The following DDX11 variants were observed in gnomAD, a reference collection of about 807,000 sequenced individuals.
DDX11 encodes ATP-dependent DNA helicase DDX11.
A neutral mutation model predicts 125.2 loss-of-function variants in DDX11; 72 were observed. The observed-to-expected ratio is 0.58, with a 90% CI of 0.48 to 0.70. The LOEUF (loss-of-function observed/expected upper bound fraction) is 0.70. DDX11 is among the 30% of genes least tolerant of loss of function. The pLI is 0.00. For synonymous variants in DDX11, 347 were observed against 452.6 expected, an observed-to-expected ratio of 0.77 and a Z score of 2.96; for missense variants, 883 against 1,165.0, an observed-to-expected ratio of 0.76 and a Z score of 3.52.
intron 5 of DDX11, among the ~76,000 whole-genome samples, chr12:31,086,620 G>A (rs1338357303): frequency 1.3e-5 from 2 of 152,188 alleles, no homozygotes; most frequent in African/African-American, 2.4e-5. Flanking sequence ...AGAGCCCGTG[G>A]GGACAAGGCA....
At chr12:31,078,725 T>A (rs1941222677) in intron 2 of DDX11, among the ~76,000 whole-genome samples, 188 bp downstream of exon 2, 1 of 151,128 alleles carries the variant, frequency 6.6e-6, no homozygotes, top group Non-Finnish European at 1.5e-5. Context: ...TCTCGCTGTG[T>A]CGCCCAGGCC....
intron 19 of DDX11, 117 bp downstream of exon 19, chr12:31,100,824 A>C: frequency 8.2e-7 from 1 of 1,217,114 alleles, no homozygotes; most frequent in Non-Finnish European, 1.2e-6. Flanking sequence ...CCGGGGTGGG[A>C]GCCTCACCCT....
At chr12:31,078,836 C>T (rs1157284320) in intron 2 of DDX11, among the ~76,000 whole-genome samples, 8 of 152,026 alleles carry the variant, frequency 5.3e-5, no homozygotes, top group African/African-American at 1.7e-4. Context: ...TACAGGTGCC[C>T]GCCGCCACGC....
intron 1 of DDX11, chr12:31,074,442 TAA>T (rs1289602832): frequency 2.0e-5 from 3 of 152,140 alleles, no homozygotes; most frequent in African/African-American, 7.2e-5. Context: ...CCAGAGCCGA[TAA>T]AGTTAGCTGC....
rs1310792236 is a variant in DDX11, at chr12:31,103,211, T to C, written c.2458-106T>C. On this transcript the variant is annotated intron_variant, in intron 24 of 26. Transcript: ENST00000542838. Reference sequence around the variant, plus strand: ...GTCACCTGGACCCCTGCTGCTGGCATTGGCCACGAAGCCTCCTGGTCTGGC... The same window carrying C: ...GTCACCTGGACCCCTGCTGCTGGCACTGGCCACGAAGCCTCCTGGTCTGGC... 3 of 1,523,528 alleles carry C rather than the reference T, an allele frequency of 2.0e-6. No individual in the cohort carries two copies. In the African/African-American group the frequency reaches 4.1e-5, roughly 21 times the overall value. The allele number at this position is 1,523,528 out of a possible 1,614,324, so 94.4% of individuals were successfully genotyped here. A position where few individuals can be genotyped will look rare whatever the true frequency, so the allele number is the denominator to read the frequency against.
chr12:31,091,543 G>A, intron 9 of DDX11, 176 bp from the exon 10 acceptor site: 1 of 632,012 alleles, frequency 1.6e-6, no homozygotes. Flanking sequence ...TTCATGTATT[G>A]GCTTTTCATG....
intron 8 of DDX11, 154 bp from the exon 9 acceptor site, chr12:31,089,732 A>G: frequency 5.7e-6 from 8 of 1,399,324 alleles, no homozygotes; most frequent in Non-Finnish European, 7.9e-6. Flanking sequence ...AAAACCTTAC[A>G]GTGTTCCGAT....
intron 18 of DDX11, among the ~76,000 whole-genome samples, chr12:31,099,818 C>T (rs1946058926): frequency 6.6e-6 from 1 of 151,874 alleles, no homozygotes; most frequent in African/African-American, 2.4e-5. Context: ...AGGAAAGCCT[C>T]ACTCTCATCC....
chr12:31,074,995 A>T (rs1469396396), intron 1 of DDX11, among the ~76,000 whole-genome samples: 1 of 152,232 alleles, frequency 6.6e-6, no homozygotes, highest in East Asian at 1.9e-4. Flanking sequence ...GTAATGAGTG[A>T]TAATTGGGGA....
intron 3 of DDX11, 126 bp downstream of exon 3, chr12:31,084,187 C>T (rs992621941): frequency 6.9e-6 from 9 of 1,313,554 alleles, no homozygotes; most frequent in Non-Finnish European, 9.8e-6. Flanking sequence ...TCAGCTCTTC[C>T]CTCAGCTCCT....
At position 31,101,121 on chromosome 12, in the gene DDX11, G is replaced by A; in HGVS notation, c.2043G>A (p.Leu681=). ...PLEFTFQKRE[L]PQMMDEVGRI... ...AATTCACGTTCCAGAAAAGAGAGCT[G>A]CCTCAGATGGTCAGTCCCAGCCAGC... The change falls in exon 20 of 27, where the codon CTG becomes CTA. Residue 681 remains leucine, a synonymous_variant. Transcript: ENST00000542838. 1 of 1,614,162 alleles carries A rather than the reference G, an allele frequency of 6.2e-7. No homozygotes were observed. The highest frequency in any genetic ancestry group is 8.5e-7 in the Non-Finnish European group (1 of 1,179,994).
chr12:31,093,592 C>T (rs1944639804), intron 12 of DDX11: 5 of 448,252 alleles, frequency 1.1e-5, no homozygotes, highest in African/African-American at 8.0e-5. Flanking sequence ...TTGCCGTGGC[C>T]TGTAGTCCCA....
At chr12:31,101,695 G>T (rs1946407241) in intron 20 of DDX11, 138 bp from the exon 21 acceptor site, 1 of 1,193,696 alleles carries the variant, frequency 8.4e-7, no homozygotes, top group African/African-American at 1.5e-5. Flanking sequence ...CCACCCAGGG[G>T]AGCCAAGTCC....
rs747296506 is a variant in DDX11, at chr12:31,087,934, A to G, written c.639-4A>G. On this transcript the variant is annotated splice_region_variant and splice_polypyrimidine_tract_variant and intron_variant, in intron 5 of 26. Coordinates refer to ENST00000542838, the MANE Select transcript of DDX11 (RefSeq NM_030653.4). ...CTGTTTTCTGTTCTCTCTCACACAC[A>G]CAGAGTGGATGAGGATGAGGATGAC... The G allele has an allele frequency of 4.4e-6, 7 of 1,609,110 alleles. No individual in the cohort carries two copies. Among genetic ancestry groups the G allele is most frequent in the Non-Finnish European group, 5.9e-6 (7 of 1,178,134 alleles).
chr12:31,080,884 A>G (rs1941779878), intron 2 of DDX11, among the ~76,000 whole-genome samples: 1 of 152,202 alleles, frequency 6.6e-6, no homozygotes, highest in Non-Finnish European at 1.5e-5. Context: ...AGCTGGGACT[A>G]CAGGTGTGCA....
chr12:31,097,148 C>T (rs1945396916), intron 17 of DDX11, among the ~76,000 whole-genome samples, 158 bp downstream of exon 17: 1 of 151,646 alleles, frequency 6.6e-6, no homozygotes, highest in Non-Finnish European at 1.5e-5. Flanking sequence ...CCTGGGCAAG[C>T]AGTGGAGGTG....
At position 31,092,898 on chromosome 12, in the gene DDX11, A is replaced by T. The variant is rs758949536; in HGVS notation, c.1289+6A>T. 34 of 1,613,942 alleles carry T rather than the reference A, an allele frequency of 2.1e-5. No homozygotes were observed. The South Asian group carries it at 3.7e-4, about 18-fold the overall frequency. ...CAGTACGTGGAGCGATACGGGTGAG[A>T]TGTGACCCTCTGAGGTAGTGGGACA... On this transcript the variant is annotated splice_donor_region_variant and intron_variant, in intron 11 of 26. Transcript: ENST00000542838.
intron 4 of DDX11, 58 bp from the exon 5 acceptor site, chr12:31,084,911 G>A (rs1208844050): frequency 2.6e-6 from 4 of 1,554,334 alleles, no homozygotes; most frequent in African/African-American, 1.4e-5. Context: ...CATGTGGGGA[G>A]GTGGGTACTG....
At chr12:31,086,652 G>A (rs1943218490) in intron 5 of DDX11, among the ~76,000 whole-genome samples, 1 of 152,186 alleles carries the variant, frequency 6.6e-6, no homozygotes, top group Admixed American at 6.5e-5. Context: ...TGGAGATGGA[G>A]GTGGTGAATA....
Sources: gnomAD v4.1 joint callset for allele counts (sites outside exome capture counted in the v4.1 genomes callset) on GRCh38, gnomAD v4.1.1 for gene constraint, MANE v1.5 for transcripts, NCBI Gene and HGNC (gene_info 2026-07-23, HGNC 2026-07-21) for gene names.